The following DLGAP1 variants were observed in gnomAD, a reference collection of about 807,000 sequenced individuals.
DLGAP1 encodes disks large-associated protein 1.
Under a neutral mutation model 90.8 loss-of-function variants are expected in DLGAP1, and 11 were observed. The observed-to-expected ratio is 0.12, with a 90% confidence interval of 0.08 to 0.20. DLGAP1 has a LOEUF of 0.20. Among genes scored for constraint, DLGAP1 ranks in the 10% least tolerant of loss-of-function variants. The probability of loss-of-function intolerance (pLI) is 1.00; values close to 1 mark genes in which losing one functional copy is unlikely to be tolerated. For missense variants in DLGAP1, 1,050 were observed against 1,333.8 expected (o/e 0.79, Z 3.31); for synonymous variants, 558 against 540.7 (o/e 1.03, Z -0.44).
intron 5 of DLGAP1, among the ~76,000 whole-genome samples, chr18:3,772,172 CCT>C (rs2064604105): frequency 6.9e-6 from 1 of 145,192 alleles, no homozygotes; most frequent in African/African-American, 2.6e-5. Flanking sequence ...TTCTCTCCTT[CCT>C]TTCTCTCCTT....
At chr18:3,856,335 G>C (rs2069641180) in intron 4 of DLGAP1, among the ~76,000 whole-genome samples, 1 of 152,184 alleles carries the variant, frequency 6.6e-6, no homozygotes, top group African/African-American at 2.4e-5. Flanking sequence ...AAAAAAGAGT[G>C]TGAGACATTA....
intron 4 of DLGAP1, among the ~76,000 whole-genome samples, chr18:3,877,580 C>T (rs550651666): frequency 2.0e-5 from 3 of 152,214 alleles, no homozygotes; most frequent in South Asian, 2.1e-4. Flanking sequence ...ATATCCTTAT[C>T]GAAATACTTT....
chr18:3,548,469 A>AC (rs2053187401), intron 9 of DLGAP1, among the ~76,000 whole-genome samples: 1 of 151,844 alleles, frequency 6.6e-6, no homozygotes, highest in African/African-American at 2.4e-5. Flanking sequence ...GAAAAAAAAA[A>AC]AAAACCTAAA....
chr18:3,796,390 C>A (rs2065992516), intron 5 of DLGAP1, among the ~76,000 whole-genome samples: 1 of 152,164 alleles, frequency 6.6e-6, no homozygotes, highest in Admixed American at 6.5e-5. Context: ...CTCCGGTATA[C>A]AAAGGGGCTG....
intron 2 of DLGAP1, among the ~76,000 whole-genome samples, chr18:4,029,124 C>T (rs2074751622): frequency 6.6e-6 from 1 of 152,104 alleles, no homozygotes; most frequent in South Asian, 2.1e-4. Flanking sequence ...TCTTTCTATG[C>T]CTGGCTTATT....
At position 4,100,638 on chromosome 18, in the gene DLGAP1, G is replaced by C. The variant is rs555550118; in HGVS notation, c.-159+50542C>G. 3.3e-5 allele frequency among the ~76,000 whole-genome samples: 5 copies of C among 152,222 alleles called. No individual in the cohort carries two copies. In the South Asian group the frequency reaches 1.0e-3, roughly 32 times the overall value. ...GACTTCTCCCCTTTAGCTCTGAAAG[G>C]CCTAGATGGCATTTTCTTCCTATAC... On this transcript the variant is annotated intron_variant, in intron 2 of 12. Coordinates refer to ENST00000315677, the MANE Select transcript of DLGAP1 (RefSeq NM_004746.4).
intron 5 of DLGAP1, among the ~76,000 whole-genome samples, chr18:3,802,234 C>T (rs916758645): frequency 6.0e-5 from 9 of 150,812 alleles, no homozygotes; most frequent in Admixed American, 1.3e-4. Flanking sequence ...CCGCCCGCCT[C>T]GGCCTCCCAA....
chr18:3,602,390 TC>T (rs2057092431), intron 7 of DLGAP1, among the ~76,000 whole-genome samples: 3 of 152,062 alleles, frequency 2.0e-5, no homozygotes, highest in African/African-American at 7.2e-5. Context: ...GGTCAGGAGA[TC>T]GAGACCATCC....
chr18:4,339,601 T>G (rs894044328), intron 1 of DLGAP1, among the ~76,000 whole-genome samples: 4 of 152,184 alleles, frequency 2.6e-5, no homozygotes, highest in Non-Finnish European at 4.4e-5. Flanking sequence ...TCCAATTATA[T>G]TATGAAATAT....
intron 7 of DLGAP1, among the ~76,000 whole-genome samples, chr18:3,641,750 T>C (rs749034598): frequency 1.3e-5 from 2 of 152,106 alleles, no homozygotes; most frequent in Non-Finnish European, 2.9e-5. Flanking sequence ...CTTAGCCACA[T>C]AGCAGTCCTG....
intron 2 of DLGAP1, among the ~76,000 whole-genome samples, chr18:4,111,695 T>C (rs112210131): frequency 2.6e-5 from 4 of 152,202 alleles, no homozygotes; most frequent in African/African-American, 9.6e-5. Context: ...AATTTGTCCA[T>C]TTCATCTAAG....
intron 4 of DLGAP1, among the ~76,000 whole-genome samples, chr18:3,859,207 C>T (rs2069870112): frequency 1.3e-5 from 2 of 152,176 alleles, no homozygotes; most frequent in Admixed American, 6.5e-5. Flanking sequence ...CTAAAAAACA[C>T]AGAAATGGAT....
chr18:4,349,564 T>C (rs924711029), intron 1 of DLGAP1, among the ~76,000 whole-genome samples: 4 of 152,088 alleles, frequency 2.6e-5, no homozygotes, highest in African/African-American at 4.8e-5. Flanking sequence ...AAAAAAACTA[T>C]GGTATATTTA....
chr18:3,660,053 T>C lies in DLGAP1; in HGVS notation c.1591+69082A>G, dbSNP rs1396537034. 6.6e-6 allele frequency among the ~76,000 whole-genome samples: 1 copy of C among 152,244 alleles called. No individual in the cohort carries two copies. The highest frequency in any genetic ancestry group is 2.4e-5 in the African/African-American group (1 of 41,464). ...CTTCCTATAACCAGCTCTTTTCTTT[T>C]GTTCACATTTGACTTCAAATATAAC... is the stretch of plus-strand genomic sequence containing the variant. On this transcript the variant is annotated intron_variant, in intron 7 of 12. Transcript: ENST00000315677. This position sits in a 1 kb window ranked among gnomAD's most constrained non-coding sequence, Gnocchi z 4.2.
chr18:3,907,571 C>T (rs1051688597), intron 3 of DLGAP1, among the ~76,000 whole-genome samples: 3 of 152,130 alleles, frequency 2.0e-5, no homozygotes, highest in Non-Finnish European at 4.4e-5. Context: ...GATGAGTGAC[C>T]TCAGAGAGCC....
chr18:3,760,086 T>G (rs1385644489), intron 5 of DLGAP1, among the ~76,000 whole-genome samples: 1 of 152,224 alleles, frequency 6.6e-6, no homozygotes, highest in Non-Finnish European at 1.5e-5. Flanking sequence ...ACAGCTGGCA[T>G]CATGGGAATA....
At chr18:4,225,579 T>G (rs1238437831) in intron 1 of DLGAP1, among the ~76,000 whole-genome samples, 1 of 151,832 alleles carries the variant, frequency 6.6e-6, no homozygotes, top group East Asian at 1.9e-4. Flanking sequence ...GAATTCAAGA[T>G]CCTATCAGAT....
chr18:4,002,104 G>A (rs1035872137), intron 3 of DLGAP1, among the ~76,000 whole-genome samples: 2 of 151,786 alleles, frequency 1.3e-5, no homozygotes, highest in Non-Finnish European at 2.9e-5. Context: ...TCTTGCTTTT[G>A]CTATCTTAGT....
intron 9 of DLGAP1, among the ~76,000 whole-genome samples, chr18:3,559,672 G>A (rs2053960779): frequency 6.7e-6 from 1 of 149,356 alleles, no homozygotes; most frequent in African/African-American, 2.5e-5. Context: ...GCCCAGGCTG[G>A]GGTGCAGTGG....
Sources: allele counts gnomAD v4.1 joint callset (sites outside exome capture counted in the v4.1 genomes callset), GRCh38; gene constraint gnomAD v4.1.1; non-coding constraint Gnocchi (gnomAD v3.1); transcripts MANE v1.5; gene names NCBI Gene and HGNC (gene_info 2026-07-23, HGNC 2026-07-21).